The following ASXL2 variants were observed in gnomAD, a reference collection of about 807,000 sequenced individuals.
ASXL2 encodes the protein putative Polycomb group protein ASXL2.
ASXL2 carries 23 observed loss-of-function variants against 122.0 expected under a neutral mutation model. The ratio of observed to expected loss-of-function variants is 0.19; its 90% CI spans 0.14 to 0.27. ASXL2 has a LOEUF of 0.27. Among genes scored for constraint, ASXL2 ranks in the 10% least tolerant of loss-of-function variants. The probability of loss-of-function intolerance (pLI) is 1.00; values close to 1 mark genes in which losing one functional copy is unlikely to be tolerated. For missense variants in ASXL2, 1,518 were observed against 1,713.8 expected, an observed-to-expected ratio of 0.89 and a Z score of 2.02; for synonymous variants, 650 against 637.0, an observed-to-expected ratio of 1.02 and a Z score of -0.31.
chr2:25,737,532 C>T lies in ASXL2; in HGVS notation c.*4497G>A, dbSNP rs2087756724. 2 of 152,016 alleles carry T rather than the reference C, an allele frequency of 1.3e-5. No homozygotes were observed. Among genetic ancestry groups the T allele is most frequent in the Admixed American group, 1.3e-4 (2 of 15,252 alleles). 9.4% of individuals were successfully genotyped at this position (152,016 alleles called of 1,614,324 possible). On this transcript the variant is annotated 3_prime_UTR_variant, in exon 13 of 13. Transcript: ENST00000435504. ...TTAAATTCCAAAAGAAATACACTAC[C>T]CTGATTTATCACCAAGTTCCTCATT...
intron 1 of ASXL2, among the ~76,000 whole-genome samples, chr2:25,874,079 C>G (rs936110242): frequency 6.6e-6 from 1 of 152,142 alleles, no homozygotes; most frequent in Non-Finnish European, 1.5e-5. Flanking sequence ...TGCAGTGGCC[C>G]ACATCCGTAA....
intron 5 of ASXL2, among the ~76,000 whole-genome samples, chr2:25,793,803 C>T (rs1262929880): frequency 1.3e-5 from 2 of 152,124 alleles, no homozygotes; most frequent in African/African-American, 2.4e-5. Context: ...ACTAGGCAGG[C>T]GGTGTTTCCT....
chr2:25,759,383 T>G, intron 9 of ASXL2, 99 bp downstream of exon 9: 2 of 1,277,126 alleles, frequency 1.6e-6, no homozygotes, highest in East Asian at 2.4e-5. Flanking sequence ...AAGAAACTTA[T>G]GTAAAAATAT....
intron 1 of ASXL2, among the ~76,000 whole-genome samples, chr2:25,869,065 T>C (rs1264901844): frequency 6.6e-6 from 1 of 150,898 alleles, no homozygotes; most frequent in Non-Finnish European, 1.5e-5. Context: ...CTCGGGAGGC[T>C]GAGGCAGGAG....
chr2:25,842,703 T>A (rs143253083), intron 2 of ASXL2, among the ~76,000 whole-genome samples: 3 of 150,174 alleles, frequency 2.0e-5, no homozygotes, highest in African/African-American at 7.3e-5. Context: ...TATATATATA[T>A]ATAGATAGAT....
chr2:25,779,590 T>A (rs188744078), intron 5 of ASXL2, among the ~76,000 whole-genome samples: 1 of 152,342 alleles, frequency 6.6e-6, no homozygotes, highest in Non-Finnish European at 1.5e-5. Flanking sequence ...GGAAAAGGGT[T>A]TATGTCTTGT....
intron 1 of ASXL2, among the ~76,000 whole-genome samples, chr2:25,877,898 A>T (rs1574460205): frequency 6.6e-6 from 1 of 152,316 alleles, no homozygotes. Context: ...CGGAGGTGAT[A>T]TCGGCTCGAC....
At chr2:25,842,579 C>T (rs1001298887) in intron 2 of ASXL2, among the ~76,000 whole-genome samples, 1 of 151,990 alleles carries the variant, frequency 6.6e-6, no homozygotes, top group Non-Finnish European at 1.5e-5. Context: ...TTAAGACCTC[C>T]TGGCCTCAAG....
intron 4 of ASXL2, among the ~76,000 whole-genome samples, chr2:25,805,642 C>T (rs1210840995): frequency 2.0e-5 from 3 of 152,024 alleles, no homozygotes; most frequent in Admixed American, 2.0e-4. Context: ...CCTTAAAACA[C>T]TAGAAGTCAT....
chr2:25,832,490 G>A (rs1001104736), intron 3 of ASXL2, among the ~76,000 whole-genome samples: 2 of 151,494 alleles, frequency 1.3e-5, no homozygotes, highest in African/African-American at 4.9e-5. Context: ...AAACAAAAAG[G>A]CAAACTCACC....
chr2:25,778,829 C>T (rs2088587590), intron 5 of ASXL2, among the ~76,000 whole-genome samples: 1 of 152,112 alleles, frequency 6.6e-6, no homozygotes, highest in African/African-American at 2.4e-5. Context: ...GGATCAACTA[C>T]TTCTCCAACA....
At chr2:25,839,804 T>C (rs544896324) in intron 2 of ASXL2, among the ~76,000 whole-genome samples, 1 of 151,820 alleles carries the variant, frequency 6.6e-6, no homozygotes, top group Admixed American at 6.6e-5. Context: ...AGGTGATTAT[T>C]ATTAATATAC....
chr2:25,873,448 T>G (rs1400778985), intron 1 of ASXL2, among the ~76,000 whole-genome samples: 2 of 152,060 alleles, frequency 1.3e-5, no homozygotes, highest in Admixed American at 1.3e-4. Flanking sequence ...ACTTCCTATA[T>G]CAAAGTAATT....
At chr2:25,798,180 T>TG (rs2088939264) in intron 5 of ASXL2, among the ~76,000 whole-genome samples, 1 of 151,966 alleles carries the variant, frequency 6.6e-6, no homozygotes, top group African/African-American at 2.4e-5. Flanking sequence ...GAGGGTGGTG[T>TG]GGGGGAGGAG....
chr2:25,744,443 G>C lies in ASXL2; in HGVS notation c.1894C>G (p.His632Asp). 6 of 1,610,854 alleles carry C rather than the reference G, an allele frequency of 3.7e-6. No homozygotes were observed. The highest frequency in any genetic ancestry group is 4.2e-6 in the Non-Finnish European group (5 of 1,179,274). ...PVSRISPMPF[H>D]PSQVSPRARF... ...GCCCTGGGAGAGACCTGCGATGGAT[G>C]AAACGGCATGGGGGAGATTCTGGAG... The change falls in exon 13 of 13, where the codon CAT becomes GAT. Residue 632 changes from histidine (H) to aspartate (D), a missense_variant. Physicochemically the swap from His to Asp is moderately conservative, Grantham distance 81 (BLOSUM62 -1). Around this residue, in one of 8 missense-constraint regions of ASXL2, gnomAD observed 292 missense variants for 293.5 expected, o/e 1.00. Coordinates refer to ENST00000435504, the MANE Select transcript of ASXL2 (RefSeq NM_018263.6). This position sits in a 1 kb window ranked among gnomAD's most constrained non-coding sequence, Gnocchi z 4.7.
At chr2:25,877,983 C>T (rs1280627270) in intron 1 of ASXL2, among the ~76,000 whole-genome samples, 183 bp downstream of exon 1, 1 of 152,192 alleles carries the variant, frequency 6.6e-6, no homozygotes, top group African/African-American at 2.4e-5. Context: ...GCGGCTATCA[C>T]GTTCCGCCGG....
intron 9 of ASXL2, among the ~76,000 whole-genome samples, chr2:25,758,679 TG>T (rs1282140313): frequency 2.4e-3 from 335 of 138,552 alleles, no homozygotes; most frequent in Middle Eastern, 0.011. Flanking sequence ...TTGCTACTTT[TG>T]TTTTTTTTTT....
intron 1 of ASXL2, among the ~76,000 whole-genome samples, chr2:25,874,695 T>C (rs1346880956): frequency 2.6e-5 from 4 of 152,234 alleles, no homozygotes; most frequent in African/African-American, 4.8e-5. Flanking sequence ...CCCGGTTAGC[T>C]ACAAGTTTTC....
intron 5 of ASXL2, among the ~76,000 whole-genome samples, chr2:25,792,741 G>A (rs2088854355): frequency 6.6e-6 from 1 of 151,674 alleles, no homozygotes; most frequent in Non-Finnish European, 1.5e-5. Flanking sequence ...GAGTAGCTGG[G>A]ATTACAGGTG....
Sources: allele counts gnomAD v4.1 joint callset (sites outside exome capture counted in the v4.1 genomes callset), GRCh38; gene constraint gnomAD v4.1.1; regional missense constraint gnomAD v4.1.1; non-coding constraint Gnocchi (gnomAD v3.1); transcripts MANE v1.5; gene names NCBI Gene and HGNC (gene_info 2026-07-23, HGNC 2026-07-21).